The following MYOCOS variants were observed in gnomAD, a reference collection of about 807,000 sequenced individuals.
The protein encoded by MYOCOS is myocilin opposite strand protein.
intron 2 of MYOCOS, among the ~76,000 whole-genome samples, chr1:171,624,775 G>C (rs1652660725): frequency 6.6e-6 from 1 of 151,886 alleles, no homozygotes; most frequent in South Asian, 2.1e-4. Context: ...ATAGAAACAG[G>C]GTTTTGCCAT....
At chr1:171,605,373 C>CCACACA (rs55880778) in intron 1 of MYOCOS, among the ~76,000 whole-genome samples, 3,525 of 139,164 alleles carry the variant, frequency 0.025, 144 homozygotes, top group African/African-American at 0.077. Context: ...ATTAATAGTA[C>CCACACA]CACACACACA....
chr1:171,617,397 G>T (rs1652470594), upstream of MYOCOS, among the ~76,000 whole-genome samples: 1 of 152,090 alleles, frequency 6.6e-6, no homozygotes, highest in African/African-American at 2.4e-5. Flanking sequence ...CTGAGGCTTG[G>T]ATGCTCTGCT....
intron 1 of MYOCOS, among the ~76,000 whole-genome samples, chr1:171,612,690 C>T (rs1420865067): frequency 1.3e-5 from 2 of 151,912 alleles, no homozygotes; most frequent in African/African-American, 2.4e-5. Flanking sequence ...ATTAGCCGGC[C>T]GTGGTGGCGC....
rs1026832054 is a variant in MYOCOS, at chr1:171,604,625, C to T, written c.-252+3545C>T. ...GCTAGAACAGAAGAAAGAAAGGTCC[C>T]CAAAAATGTAACCTTAAAATTTGAC... On this transcript the variant is annotated intron_variant, in intron 1 of 3. Coordinates refer to the MYOCOS transcript ENST00000636697. Among the ~76,000 whole-genome samples the T allele has an allele frequency of 3.0e-4, 46 of 152,104 alleles. 1 individual carries two copies. Among genetic ancestry groups the T allele is most frequent in the African/African-American group, 1.1e-3 (45 of 41,474 alleles).
intron 1 of MYOCOS, among the ~76,000 whole-genome samples, chr1:171,609,316 G>A (rs1652312265): frequency 6.6e-6 from 1 of 152,242 alleles, no homozygotes; most frequent in Admixed American, 6.5e-5. Flanking sequence ...TCCTCCTTGA[G>A]ACTAGAGTCA....
chr1:171,603,402 A>G (rs1652180825), intron 1 of MYOCOS, among the ~76,000 whole-genome samples: 1 of 152,186 alleles, frequency 6.6e-6, no homozygotes, highest in African/African-American at 2.4e-5. Flanking sequence ...CAGAGGAAAA[A>G]CAAAAAATAA....
intron 1 of MYOCOS, chr1:171,604,307 G>GT (rs1181139420): frequency 1.3e-5 from 2 of 152,180 alleles, no homozygotes; most frequent in Non-Finnish European, 2.9e-5. Flanking sequence ...ATTTAGACTT[G>GT]TACAGTAAGG....
intron 1 of MYOCOS, 68 bp from the exon 2 acceptor site, chr1:171,623,773 C>G (rs1652622468): frequency 5.0e-6 from 2 of 397,140 alleles, no homozygotes; most frequent in South Asian, 1.4e-4. Flanking sequence ...CTGCGCCATT[C>G]TGGACCTAGC....
chr1:171,616,587 C>T (rs753338035), intron 2 of MYOCOS, among the ~76,000 whole-genome samples: 1 of 152,000 alleles, frequency 6.6e-6, no homozygotes, highest in Non-Finnish European at 1.5e-5. Flanking sequence ...ATGAGGGAGA[C>T]AGCTGCTGGA....
chr1:171,602,250 A>G (rs1298531492), intron 1 of MYOCOS, among the ~76,000 whole-genome samples: 6 of 152,164 alleles, frequency 3.9e-5, no homozygotes, highest in Non-Finnish European at 8.8e-5. Flanking sequence ...AATGTTATAA[A>G]AAATTATGCA....
chr1:171,623,691 G>T lies in MYOCOS; in HGVS notation c.-43-150G>T, dbSNP rs77165888. 563 of 393,902 alleles carry T rather than the reference G, an allele frequency of 1.4e-3. 6 individuals are homozygous for T. The East Asian group carries it at 0.015, about 10-fold the overall frequency. The allele number at this position is 393,902 out of a possible 1,614,324, so 24.4% of individuals were successfully genotyped here. A position where few individuals can be genotyped will look rare whatever the true frequency, so the allele number is the denominator to read the frequency against. On this transcript the variant is annotated intron_variant, in intron 1 of 2. Coordinates refer to ENST00000637642, the MANE Select transcript of MYOCOS (RefSeq NM_001391940.1). The stretch of plus-strand genomic sequence containing the variant: ...AGGAAATATCTGCCTCTTGACCTTG[G>T]GGGGAAGGGGGATGAAGGCCAGGCT...
chr1:171,601,273 G>C (rs543517843), intron 1 of MYOCOS, among the ~76,000 whole-genome samples: 1 of 152,324 alleles, frequency 6.6e-6, no homozygotes, highest in East Asian at 1.9e-4. Context: ...CCCAGGGTGT[G>C]CCTGCATTGG....
rs1239626255 is a variant in MYOCOS at position 171,626,547 on chromosome 1, C to T, written c.189C>T (p.Leu63=). 1.0e-5 allele frequency: 4 copies of T among 398,582 alleles called. No individual in the cohort carries two copies. Among genetic ancestry groups the T allele is most frequent in the Non-Finnish European group, 4.4e-6 (1 of 226,090 alleles). The allele number at this position is 398,582 out of a possible 1,614,324, so 24.7% of individuals were successfully genotyped here. A position where few individuals can be genotyped will look rare whatever the true frequency, so the allele number is the denominator to read the frequency against. Reference sequence around the variant, plus strand: ...CCCCTCCCCCTCACAGGACCTACCTCACAGTACCTCCTGCCCCACCTCCTT... The same window carrying T: ...CCCCTCCCCCTCACAGGACCTACCTTACAGTACCTCCTGCCCCACCTCCTT... ...EQAPPPHRTY[L]TVPPAPPPSP... The change falls in exon 3 of 3, where the codon CTC becomes CTT. Residue 63 remains leucine (L), a synonymous_variant. Transcript: ENST00000637642.
chr1:171,605,389 AC>A (rs1184506493), intron 1 of MYOCOS, among the ~76,000 whole-genome samples: 10 of 130,718 alleles, frequency 7.7e-5, no homozygotes, highest in African/African-American at 4.0e-4. Context: ...ACACACACAC[AC>A]ACACAAAAAA....
At position 171,624,862 on chromosome 1, in the gene MYOCOS, A is replaced by G. The variant is rs377256240; in HGVS notation, c.95+884A>G. ...GCATCCCAAGGTGCTGGGATTACAG[A>G]TGAGAGCCACTGTGCCTGGCCCAAG... On this transcript the variant is annotated intron_variant, in intron 2 of 2. Transcript: ENST00000637642. Among the ~76,000 whole-genome samples, 5 of 152,082 alleles carry G rather than the reference A, an allele frequency of 3.3e-5. No homozygotes were observed. The East Asian group carries it at 5.8e-4, about 18-fold the overall frequency.
chr1:171,618,074 A>C (rs1323992427), upstream of MYOCOS, among the ~76,000 whole-genome samples: 1 of 152,236 alleles, frequency 6.6e-6, no homozygotes, highest in Non-Finnish European at 1.5e-5. Context: ...ACAGAAGAGA[A>C]GGTATCTAGG....
At chr1:171,620,930 G>C (rs781224827), upstream of MYOCOS, among the ~76,000 whole-genome samples, 2 of 151,326 alleles carry the variant, frequency 1.3e-5, no homozygotes, top group Admixed American at 6.6e-5. Context: ...CCACCACGCC[G>C]GGCTAATTTT....
exon 2 of MYOCOS, chr1:171,614,997 G>A (rs1383184811): frequency 3.3e-5 from 5 of 152,238 alleles, no homozygotes; most frequent in South Asian, 2.1e-4. Flanking sequence ...GAAACCAGCT[G>A]AGAAAAAGGT....
At chr1:171,616,480 G>T (rs1238615017) in intron 2 of MYOCOS, among the ~76,000 whole-genome samples, 1 of 152,082 alleles carries the variant, frequency 6.6e-6, no homozygotes, top group African/African-American at 2.4e-5. Flanking sequence ...GGCAGGGGTT[G>T]TAGTGAGCCG....
Sources: allele counts gnomAD v4.1 joint callset (sites outside exome capture counted in the v4.1 genomes callset), GRCh38; gene constraint gnomAD v4.1.1; transcripts MANE v1.5; gene names NCBI Gene and HGNC (gene_info 2026-07-23, HGNC 2026-07-21).